Variants in KIAA1210 observed in about 807,000 individuals in gnomAD.
The protein encoded by KIAA1210 is acrosomal protein KIAA1210.
KIAA1210 carries 48 observed loss-of-function variants against 78.9 expected under a neutral mutation model. The ratio of observed to expected loss-of-function variants is 0.61; its 90% CI spans 0.48 to 0.77. The LOEUF is 0.77. KIAA1210 is among the 30% of genes least tolerant of loss of function. The pLI, the probability that KIAA1210 is intolerant of heterozygous loss-of-function variation, is 0.00. For synonymous variants in KIAA1210, 406 were observed against 404.5 expected, an observed-to-expected ratio of 1.00 and a Z score of -0.04; for missense variants, 1,108 against 1,100.0, an observed-to-expected ratio of 1.01 and a Z score of -0.10.
chrX:119,115,771 G>A (rs1302325746), intron 3 of KIAA1210, among the ~76,000 whole-genome samples: 1 of 111,600 alleles, frequency 9.0e-6, no homozygotes, highest in East Asian at 2.8e-4. Flanking sequence ...AGAGACAGCT[G>A]GGAATCCTAG....
Position 119,088,770 on chromosome X carries a change from A to T in KIAA1210, c.1932T>A (p.Ser644Arg). Residue 644 changes from serine (S) to arginine (R), a missense_variant, in exon 9 of 12, where the codon AGT becomes AGA. This residue lies in a region of KIAA1210 where 672 missense variants were observed against 607.1 expected (regional missense o/e 1.11). Coordinates refer to ENST00000691062, the MANE Select transcript of KIAA1210 (RefSeq NM_001394962.1). ...DEQEVFSESK[S>R]FVEDLSSSEE... ...CAGAGCTGCTCAAGTCCTCAACAAA[A>T]CTTTTTGATTCTGAGAAGACTTCTT... 8.3e-7 allele frequency: 1 copy of T among 1,211,250 alleles called. No individual in the cohort carries two copies. The highest frequency in any genetic ancestry group is 1.1e-6 in the Non-Finnish European group (1 of 895,309).
At chrX:119,105,288 C>G in intron 5 of KIAA1210, 141 bp from the exon 6 acceptor site, 1 of 599,973 alleles carries the variant, frequency 1.7e-6, no homozygotes, top group African/African-American at 2.3e-5. Flanking sequence ...AAAAATAAGC[C>G]CAGGGAAGAA....
At chrX:119,113,707 T>G (rs192874831) in intron 3 of KIAA1210, among the ~76,000 whole-genome samples, 4 of 112,069 alleles carry the variant, frequency 3.6e-5, no homozygotes, top group African/African-American at 1.3e-4. Context: ...AAATTTTAAA[T>G]GATAAAAGTT....
intron 3 of KIAA1210, among the ~76,000 whole-genome samples, chrX:119,112,523 A>T (rs1266360345): frequency 8.9e-6 from 1 of 112,291 alleles, no homozygotes; most frequent in Non-Finnish European, 1.9e-5. Context: ...AGATATACAA[A>T]TATATTTTCC....
At chrX:119,129,682 C>A (rs1258553056), upstream of KIAA1210, among the ~76,000 whole-genome samples, 1 of 111,056 alleles carries the variant, frequency 9.0e-6, no homozygotes, top group Admixed American at 9.6e-5. Flanking sequence ...CTCTTGGACC[C>A]CTCTTTCCCT....
In KIAA1210 at chrX:119,086,557, C is replaced by A; in HGVS notation, c.4145G>T (p.Cys1382Phe). ...GATAAAAGCCTTACCTGGGGTCTTG[C>A]AAGCAGGTTGCTTCTTGGCCATGCT... ...SESMAKKQPA[C>F]KTPGKPAGQQ... The change falls in exon 9 of 12, where the codon TGC (cysteine) becomes TTC (phenylalanine). Residue 1382 changes from cysteine to phenylalanine, a missense_variant. Coordinates refer to ENST00000691062, the MANE Select transcript of KIAA1210 (RefSeq NM_001394962.1). The A allele has an allele frequency of 8.3e-7, 1 of 1,201,787 alleles. No individual in the cohort carries two copies. Among genetic ancestry groups the A allele is most frequent in the Non-Finnish European group, 1.1e-6 (1 of 891,571 alleles).
intron 11 of KIAA1210, among the ~76,000 whole-genome samples, chrX:119,082,582 C>T (rs1452575894): frequency 8.9e-6 from 1 of 112,361 alleles, no homozygotes; most frequent in African/African-American, 3.2e-5. Flanking sequence ...CTTAAACAAG[C>T]CTTCTAAATA....
At position 119,088,685 on chromosome X, in the gene KIAA1210, C is replaced by G. The variant is rs1324584934; in HGVS notation, c.2017G>C (p.Val673Leu). 1.7e-6 allele frequency: 2 copies of G among 1,208,828 alleles called. No homozygotes were observed. The highest frequency in any genetic ancestry group is 2.2e-6 in the Non-Finnish European group (2 of 894,573). The change falls in exon 9 of 12, where the codon GTC (valine) becomes CTC (leucine). Residue 673 changes from valine to leucine, a missense_variant. Physicochemically the swap from Val to Leu is conservative, Grantham distance 32. Around this residue, in one of 5 missense-constraint regions of KIAA1210, gnomAD observed 672 missense variants for 607.1 expected, o/e 1.11. Transcript: ENST00000691062. ...QALEEPEDAE[V>L]FTESSSYVEK... is the part of the protein sequence containing the mutation. ...ACATAACTGCTTGATTCTGTGAAGA[C>G]TTCTGCATCTTCAGGCTCCTCTAAA...
chrX:119,149,603 T>A (rs1403693323), intron 1 of KIAA1210, among the ~76,000 whole-genome samples: 1 of 112,032 alleles, frequency 8.9e-6, no homozygotes, highest in Non-Finnish European at 1.9e-5. Context: ...TACCCACTAA[T>A]TAACCATATG....
intron 2 of KIAA1210, among the ~76,000 whole-genome samples, chrX:119,141,442 T>C (rs1929048688): frequency 8.9e-6 from 1 of 112,444 alleles, no homozygotes; most frequent in African/African-American, 3.2e-5. Context: ...CAGGTCCATA[T>C]CTCTTCTTTT....
At chrX:119,141,388 C>T (rs1929047087) in intron 2 of KIAA1210, among the ~76,000 whole-genome samples, 1 of 111,919 alleles carries the variant, frequency 8.9e-6, no homozygotes, top group African/African-American at 3.2e-5. Flanking sequence ...AAATACACTG[C>T]CTCCTGTGCT....
chrX:119,115,469 GC>G (rs994830496), intron 3 of KIAA1210, among the ~76,000 whole-genome samples: 2 of 111,693 alleles, frequency 1.8e-5, no homozygotes, highest in African/African-American at 6.5e-5. Flanking sequence ...AAAACCGTCT[GC>G]CCTACTCCCA....
chrX:119,114,485 A>T (rs1473732722), intron 3 of KIAA1210, among the ~76,000 whole-genome samples: 1 of 112,319 alleles, frequency 8.9e-6, no homozygotes, highest in Non-Finnish European at 1.9e-5. Context: ...CAGCATTGAG[A>T]ATGTAATGTT....
At chrX:119,121,413 C>A (rs773096830) in intron 2 of KIAA1210, among the ~76,000 whole-genome samples, 1 of 111,770 alleles carries the variant, frequency 8.9e-6, no homozygotes, top group African/African-American at 3.3e-5. Flanking sequence ...GAGCTGACAG[C>A]TGAGAGCTGA....
chrX:119,093,988 C>A (rs1927473412), intron 7 of KIAA1210: 1 of 1,155,845 alleles, frequency 8.7e-7, no homozygotes, highest in Non-Finnish European at 1.2e-6. Flanking sequence ...ATTTTACCTA[C>A]TGGAAGTGGT....
chrX:119,082,888 G>T, intron 11 of KIAA1210, 127 bp downstream of exon 11: 1 of 416,815 alleles, frequency 2.4e-6, no homozygotes, highest in South Asian at 5.4e-5. Flanking sequence ...TCTAATTAAA[G>T]AGCCACGCGA....
At chrX:119,141,387 G>T (rs1055165689) in intron 2 of KIAA1210, among the ~76,000 whole-genome samples, 1 of 111,803 alleles carries the variant, frequency 8.9e-6, no homozygotes, top group African/African-American at 3.3e-5. Flanking sequence ...GAAATACACT[G>T]CCTCCTGTGC....
rs754469080 is a variant in KIAA1210, at chrX:119,088,462, A to G, written c.2240T>C (p.Val747Ala). The G allele has an allele frequency of 8.3e-7, 1 of 1,211,248 alleles. No homozygotes were observed. Among genetic ancestry groups the G allele is most frequent in the East Asian group, 3.0e-5 (1 of 33,832 alleles). ...TGAACTGGTGGGGACTTGTTGCTGAACAGTAGGATTCATAATGGGCTGAGA... is the reference window on the plus strand; with the variant it reads ...TGAACTGGTGGGGACTTGTTGCTGAGCAGTAGGATTCATAATGGGCTGAGA... Reference protein sequence around the residue: ...CPSQPIMNPTVQQQVPTSSVG... With the variant: ...CPSQPIMNPTAQQQVPTSSVG... Residue 747 changes from valine (V) to alanine (A), a missense_variant, in exon 9 of 12, where the codon GTT becomes GCT. Physicochemically the swap from Val to Ala is moderately conservative, Grantham distance 64. Transcript: ENST00000691062.
intron 2 of KIAA1210, among the ~76,000 whole-genome samples, chrX:119,118,316 C>T (rs923372171): frequency 2.7e-5 from 3 of 112,083 alleles, no homozygotes; most frequent in Non-Finnish European, 5.6e-5. Flanking sequence ...TAAAGAATTG[C>T]ACCTGATCAG....
Sources: allele counts gnomAD v4.1 joint callset (sites outside exome capture counted in the v4.1 genomes callset), GRCh38; gene constraint gnomAD v4.1.1; regional missense constraint gnomAD v4.1.1; transcripts MANE v1.5; gene names NCBI Gene and HGNC (gene_info 2026-07-23, HGNC 2026-07-21).